The following CLEC1B variants were observed in gnomAD, a reference collection of about 807,000 sequenced individuals.
CLEC1B encodes C-type lectin-like receptor 2.
Under a neutral mutation model 26.7 loss-of-function variants are expected in CLEC1B, and 26 were observed. That is an observed-to-expected ratio of 0.97 (90% CI 0.71 to 1.35). CLEC1B has a LOEUF of 1.35. Ranked by LOEUF, CLEC1B falls within the 40% of genes most tolerant of loss-of-function variation. The probability of loss-of-function intolerance (pLI) is 0.00; values close to 1 mark genes in which losing one functional copy is unlikely to be tolerated. For synonymous variants in CLEC1B, 112 were observed against 96.0 expected (o/e 1.17, Z -0.97); for missense variants, 293 against 282.6 (o/e 1.04, Z -0.26).
chr12:9,995,432 T>A lies in CLEC1B; in HGVS notation c.439-186A>T, dbSNP rs522837. 0.11 allele frequency: 64,701 copies of A among 576,128 alleles called. 5,159 individuals are homozygous for A. The highest frequency in any genetic ancestry group is 0.29 in the South Asian group (17,223 of 58,782). The allele number at this position is 576,128 out of a possible 1,614,324, so 35.7% of individuals were successfully genotyped here. On this transcript the variant is annotated intron_variant, in intron 4 of 5. Transcript: ENST00000298527. ...CTTGTCTGAGAACTTAAAAAAAACTTATAGGACACAGGTAAAATTGTACAC... is the reference window on the plus strand; with the variant it reads ...CTTGTCTGAGAACTTAAAAAAAACTAATAGGACACAGGTAAAATTGTACAC...
chr12:9,999,211 GGTAGAACCATGTGA>G, upstream of CLEC1B: 1 of 679,880 alleles, frequency 1.5e-6, no homozygotes, highest in Non-Finnish European at 2.5e-6. Context: ...TCTTTAGTAG[GGTAGAACCATGTGA>G]GATGGGACAC....
chr12:9,995,259 T>C lies in CLEC1B; in HGVS notation c.439-13A>G, dbSNP rs200494352. 9.5e-4 allele frequency: 1,518 copies of C among 1,597,604 alleles called. 2 individuals carry two copies. Among genetic ancestry groups the C allele is most frequent in the Non-Finnish European group, 1.1e-3 (1,332 of 1,165,530 alleles). On this transcript the variant is annotated splice_polypyrimidine_tract_variant and intron_variant, in intron 4 of 5. Coordinates refer to ENST00000298527, the MANE Select transcript of CLEC1B (RefSeq NM_016509.4). ...CTTTGATGTACTCCTATTGTAAACA[T>C]AAATAAACACAATGGTCAGAATCCC... is the stretch of plus-strand genomic sequence containing the variant.
intron 2 of CLEC1B, 23 bp from the exon 3 acceptor site, chr12:9,997,302 A>G: frequency 6.3e-7 from 1 of 1,584,690 alleles, no homozygotes; most frequent in Non-Finnish European, 8.6e-7. Flanking sequence ...AGTAAATAAT[A>G]ATAATTTGTA....
At position 9,998,411 on chromosome 12, in the gene CLEC1B, C is replaced by T. The variant is rs772221592; in HGVS notation, c.65-31G>A. ...GGCATATAATAAAGACATCAAGGAG[C>T]AGGCAGTATGGGTTAGCTATGGGGA... On this transcript the variant is annotated intron_variant, in intron 1 of 5. Transcript: ENST00000298527. 1.9e-6 allele frequency: 3 copies of T among 1,545,758 alleles called. No homozygotes were observed. The African/African-American group carries it at 4.1e-5, about 21-fold the overall frequency.
intron 4 of CLEC1B, 152 bp downstream of exon 4, chr12:9,996,694 G>T (rs1464215513): frequency 3.8e-6 from 3 of 782,544 alleles, no homozygotes; most frequent in Non-Finnish European, 6.7e-6. Context: ...GAATATCTGG[G>T]TTCTGTAATT....
intron 3 of CLEC1B, 44 bp from the exon 4 acceptor site, chr12:9,997,044 G>C (rs1473350073): frequency 1.2e-6 from 2 of 1,610,018 alleles, no homozygotes; most frequent in Non-Finnish European, 8.5e-7. Context: ...TTCTAAATTG[G>C]GCTTACATTT....
At chr12:9,993,461 A>C (rs1465167530) in intron 5 of CLEC1B, 174 bp from the exon 6 acceptor site, 2 of 615,268 alleles carry the variant, frequency 3.3e-6, no homozygotes, top group African/African-American at 3.7e-5. Context: ...TGGCAGTACA[A>C]GATATGCATA....
chr12:9,993,124 T>C lies in CLEC1B; in HGVS notation c.*19A>G, dbSNP rs765461731. 1 of 1,602,922 alleles carries C rather than the reference T, an allele frequency of 6.2e-7. No homozygotes were observed. The highest frequency in any genetic ancestry group is 8.5e-7 in the Non-Finnish European group (1 of 1,172,186). On this transcript the variant is annotated 3_prime_UTR_variant, in exon 6 of 6. Transcript: ENST00000298527. The stretch of plus-strand genomic sequence containing the variant: ...TACAATAAAGCCCTTATCTGTGTTA[T>C]CCTGTCCACCTCTTTGCATTAAGGT...
In CLEC1B at chr12:9,993,265, T is replaced by C. The variant is rs1254544604; in HGVS notation, c.568A>G (p.Lys190Glu). Residue 190 changes from lysine to glutamate, a missense_variant, in exon 6 of 6, where the codon AAA becomes GAA. Transcript: ENST00000298527. ...AAATAAGCACAATTCATATTTCCTT[T>C]TCCATCTTCCAAAAACTCAAACCTG... ...ENMFEFLEDG[K>E]GNMNCAYFHN... The C allele has an allele frequency of 6.2e-7, 1 of 1,612,862 alleles. No individual in the cohort carries two copies. The highest frequency in any genetic ancestry group is 2.2e-5 in the East Asian group (1 of 44,846).
upstream of CLEC1B, among the ~76,000 whole-genome samples, chr12:9,999,671 T>C (rs901007015): frequency 6.6e-6 from 1 of 152,220 alleles, no homozygotes; most frequent in African/African-American, 2.4e-5. Flanking sequence ...GCATATTTCA[T>C]ACTTTTTTTT....
At chr12:10,001,605 A>G (rs1262482222), upstream of CLEC1B, among the ~76,000 whole-genome samples, 2 of 152,202 alleles carry the variant, frequency 1.3e-5, no homozygotes, top group Non-Finnish European at 1.5e-5. Flanking sequence ...CCTTGATAAC[A>G]TTGAGTTCTA....
At chr12:9,999,637 G>A (rs1243920677), upstream of CLEC1B, among the ~76,000 whole-genome samples, 1 of 152,152 alleles carries the variant, frequency 6.6e-6, no homozygotes, top group Non-Finnish European at 1.5e-5. Flanking sequence ...TCCTGATTAT[G>A]ACCTAGAATT....
upstream of CLEC1B, among the ~76,000 whole-genome samples, chr12:10,001,856 G>A (rs1246503938): frequency 6.6e-6 from 1 of 150,456 alleles, no homozygotes; most frequent in African/African-American, 2.4e-5. Context: ...CTTCACTAAG[G>A]AAACTATATA....
In CLEC1B at chr12:9,998,403, T is replaced by C. The variant is rs748246335; in HGVS notation, c.65-23A>G. 3.2e-6 allele frequency: 5 copies of C among 1,578,176 alleles called. No homozygotes were observed. In the East Asian group the frequency reaches 6.7e-5, roughly 21 times the overall value. On this transcript the variant is annotated intron_variant, in intron 1 of 5. Coordinates refer to ENST00000298527, the MANE Select transcript of CLEC1B (RefSeq NM_016509.4). The stretch of plus-strand genomic sequence containing the variant: ...CAACTGTAGGCATATAATAAAGACA[T>C]CAAGGAGCAGGCAGTATGGGTTAGC...
chr12:9,994,974 G>A lies in CLEC1B; in HGVS notation c.545+166C>T. On this transcript the variant is annotated intron_variant, in intron 5 of 5. Transcript: ENST00000298527. The stretch of plus-strand genomic sequence containing the variant: ...TAAAGAGCAAAGTAATGGGAGAGAG[G>A]GGAAAGAATTGTCTTATGACCAGCG... 3 of 1,506,960 alleles carry A rather than the reference G, an allele frequency of 2.0e-6. No homozygotes were observed. In the Admixed American group the frequency reaches 5.7e-5, roughly 29 times the overall value. 93.3% of individuals were successfully genotyped at this position (1,506,960 alleles called of 1,614,324 possible).
chr12:9,997,793 C>CTTCA (rs534266582), intron 2 of CLEC1B, among the ~76,000 whole-genome samples: 134 of 152,244 alleles, frequency 8.8e-4, no homozygotes, highest in African/African-American at 3.2e-3. Flanking sequence ...ACTACACAGA[C>CTTCA]TTCAATGTGC....
chr12:9,994,830 C>CGT (rs1277567876), intron 5 of CLEC1B, among the ~76,000 whole-genome samples: 1 of 138,376 alleles, frequency 7.2e-6, no homozygotes, highest in Admixed American at 7.7e-5. Flanking sequence ...CATGTGCATG[C>CGT]GCGCACACAC....
intron 1 of CLEC1B, 76 bp downstream of exon 1, chr12:9,998,961 A>G (rs958683317): frequency 1.8e-5 from 15 of 844,656 alleles, no homozygotes; most frequent in Admixed American, 1.2e-4. Context: ...TATATTATCA[A>G]TAGTAGAAAA....
chr12:9,994,892 T>C (rs1864997990), intron 5 of CLEC1B: 3 of 926,244 alleles, frequency 3.2e-6, no homozygotes, highest in Middle Eastern at 4.2e-4. Context: ...CATGGTAAGG[T>C]TGAATGTAAA....
Sources: allele counts gnomAD v4.1 joint callset (sites outside exome capture counted in the v4.1 genomes callset), GRCh38; gene constraint gnomAD v4.1.1; transcripts MANE v1.5; gene names NCBI Gene and HGNC (gene_info 2026-07-23, HGNC 2026-07-21).